Variants in NMNAT2 observed in about 807,000 individuals in gnomAD.
NMNAT2 encodes nicotinamide/nicotinic acid mononucleotide adenylyltransferase 2.
In NMNAT2, 11 loss-of-function variants were observed where a neutral mutation model predicts 41.6. That is an observed-to-expected ratio of 0.26 (90% CI 0.17 to 0.44). The LOEUF (loss-of-function observed/expected upper bound fraction) is 0.44. Ranked by LOEUF, NMNAT2 falls within the 20% of genes least tolerant of loss-of-function variation. The probability of loss-of-function intolerance (pLI) is 1.00; values close to 1 mark genes in which losing one functional copy is unlikely to be tolerated. For missense variants in NMNAT2, 288 were observed against 407.7 expected (o/e 0.71, Z 2.53); for synonymous variants, 148 against 151.2 (o/e 0.98, Z 0.16).
At position 183,284,824 on chromosome 1, in the gene NMNAT2, T is replaced by A. The variant is rs603850; in HGVS notation, c.449-34A>T. ...GAGAGCAAGACAGACAGGGACAGAG[T>A]GGGAGAGAACAACTCACAACTGGCA... On this transcript the variant is annotated intron_variant, in intron 5 of 10. Coordinates refer to ENST00000287713, the MANE Select transcript of NMNAT2 (RefSeq NM_015039.4). 4.4e-6 allele frequency: 7 copies of A among 1,580,036 alleles called. No individual in the cohort carries two copies. In the African/African-American group the frequency reaches 6.7e-5, roughly 15 times the overall value.
intron 4 of NMNAT2, among the ~76,000 whole-genome samples, chr1:183,288,385 G>C (rs1661448528): frequency 6.6e-6 from 1 of 152,202 alleles, no homozygotes; most frequent in African/African-American, 2.4e-5. Flanking sequence ...TGAAGGCTGA[G>C]AGTTCTTAGG....
At chr1:183,417,530 T>C (rs1182173243) in intron 1 of NMNAT2, among the ~76,000 whole-genome samples, 4 of 151,830 alleles carry the variant, frequency 2.6e-5, no homozygotes, top group Admixed American at 2.6e-4. Context: ...AGGCAGCGGG[T>C]CCCTGAGGCC....
chr1:183,389,168 A>G (rs148906145), intron 1 of NMNAT2, among the ~76,000 whole-genome samples: 151 of 151,964 alleles, frequency 9.9e-4, no homozygotes, highest in Non-Finnish European at 1.6e-3. Context: ...TCACAGTATC[A>G]CCCCTCCAGC....
At chr1:183,292,733 C>A in intron 3 of NMNAT2, 57 bp downstream of exon 3, 1 of 1,499,732 alleles carries the variant, frequency 6.7e-7, no homozygotes, top group Non-Finnish European at 9.2e-7. Context: ...TTTTTCCCCA[C>A]CCCACTCCCA....
In NMNAT2 at chr1:183,283,981, G is replaced by A. The variant is rs201506444; in HGVS notation, c.574+14C>T. 16 of 1,613,506 alleles carry A rather than the reference G, an allele frequency of 9.9e-6. No homozygotes were observed. The highest frequency in any genetic ancestry group is 1.7e-4 in the Middle Eastern group (1 of 6,060). ...AAATGTCCCCATTTTCCGCACTTTC[G>A]CAGTCCCACTCACCAATCTCTTCAT... On this transcript the variant is annotated intron_variant, in intron 7 of 10. Transcript: ENST00000287713.
chr1:183,338,657 C>T (rs1662730420), intron 1 of NMNAT2, among the ~76,000 whole-genome samples: 1 of 152,180 alleles, frequency 6.6e-6, no homozygotes, highest in African/African-American at 2.4e-5. Flanking sequence ...AACTGGAACT[C>T]AGGTCTCCTG....
chr1:183,325,986 A>AACCTGGGGAGGGAGACAAAC (rs1307939038), intron 1 of NMNAT2, among the ~76,000 whole-genome samples: 1 of 152,236 alleles, frequency 6.6e-6, no homozygotes, highest in African/African-American at 2.4e-5. Context: ...AACAGCACAC[A>AACCTGGGGAGGGAGACAAAC]AGTATTTAAG....
In NMNAT2 at chr1:183,266,263, T is replaced by G. The variant is rs1280138680; in HGVS notation, c.652-4960A>C. Among the ~76,000 whole-genome samples the G allele has an allele frequency of 3.3e-5, 5 of 152,222 alleles. No individual in the cohort carries two copies. The South Asian group carries it at 6.2e-4, about 19-fold the overall frequency. On this transcript the variant is annotated intron_variant, in intron 8 of 10. Transcript: ENST00000287713. The stretch of plus-strand genomic sequence containing the variant: ...CATTTGGATTGCTCTGGTCTCCCTG[T>G]TATTTGCTTGCCTTTTTTAGTCTAT...
intron 1 of NMNAT2, among the ~76,000 whole-genome samples, chr1:183,338,697 C>T (rs530979331): frequency 1.3e-5 from 2 of 152,300 alleles, no homozygotes; most frequent in East Asian, 3.9e-4. Context: ...AAAAACTACT[C>T]CTAGGCTACT....
At chr1:183,336,150 A>T (rs1487839858) in intron 1 of NMNAT2, among the ~76,000 whole-genome samples, 2 of 152,252 alleles carry the variant, frequency 1.3e-5, no homozygotes, top group Admixed American at 1.3e-4. Flanking sequence ...CAACAGTAGC[A>T]CTGTAGTGTT....
At chr1:183,357,121 T>A (rs1663209446) in intron 1 of NMNAT2, among the ~76,000 whole-genome samples, 1 of 151,570 alleles carries the variant, frequency 6.6e-6, no homozygotes, top group Non-Finnish European at 1.5e-5. Flanking sequence ...TGGAGAACGT[T>A]GGTGAGGTTT....
chr1:183,369,078 C>T (rs749023812), intron 1 of NMNAT2, among the ~76,000 whole-genome samples: 3 of 152,080 alleles, frequency 2.0e-5, no homozygotes, highest in Admixed American at 6.5e-5. Flanking sequence ...GTGTGCACTA[C>T]GCAGCTCTGC....
At chr1:183,312,465 C>G (rs776197789) in intron 1 of NMNAT2, among the ~76,000 whole-genome samples, 12 of 151,958 alleles carry the variant, frequency 7.9e-5, no homozygotes, top group Non-Finnish European at 1.3e-4. Context: ...CTCCCAGATT[C>G]CCCATTTGTT....
chr1:183,393,999 C>A (rs1258447232), intron 1 of NMNAT2, among the ~76,000 whole-genome samples: 1 of 152,050 alleles, frequency 6.6e-6, no homozygotes, highest in African/African-American at 2.4e-5. Flanking sequence ...AAGAGATGGA[C>A]AATAAACAAA....
intron 1 of NMNAT2, among the ~76,000 whole-genome samples, chr1:183,309,893 GGTGCAGTGCCCCC>G (rs1337700914): frequency 3.9e-5 from 6 of 152,298 alleles, no homozygotes; most frequent in Admixed American, 2.6e-4. Context: ...TTTAGCTAAA[GGTGCAGTGCCCCC>G]TGGAAGATCA....
intron 1 of NMNAT2, among the ~76,000 whole-genome samples, chr1:183,401,837 T>C (rs1231619793): frequency 6.6e-6 from 1 of 151,108 alleles, no homozygotes; most frequent in African/African-American, 2.4e-5. Context: ...ACACCACCTG[T>C]TCTCACTTGT....
intron 1 of NMNAT2, among the ~76,000 whole-genome samples, chr1:183,332,088 G>C (rs1227813619): frequency 6.6e-6 from 1 of 152,156 alleles, no homozygotes; most frequent in East Asian, 1.9e-4. Flanking sequence ...TGGCCTCCAT[G>C]TTGCACACTT....
chr1:183,318,214 G>A (rs1349780357), intron 1 of NMNAT2, among the ~76,000 whole-genome samples: 1 of 152,200 alleles, frequency 6.6e-6, no homozygotes, highest in Non-Finnish European at 1.5e-5. Flanking sequence ...GGACCCCAGT[G>A]ACATGGCCTG....
chr1:183,327,029 T>TGTAC, intron 1 of NMNAT2, among the ~76,000 whole-genome samples: 1 of 118,964 alleles, frequency 8.4e-6, no homozygotes, highest in Admixed American at 8.5e-5. Context: ...TTATATTTTA[T>TGTAC]GTATGTATGT....
Sources: allele counts gnomAD v4.1 joint callset (sites outside exome capture counted in the v4.1 genomes callset), GRCh38; gene constraint gnomAD v4.1.1; transcripts MANE v1.5; gene names NCBI Gene and HGNC (gene_info 2026-07-23, HGNC 2026-07-21).